SH2B1: variants seen among roughly 807,000 people sequenced by gnomAD.
The protein encoded by SH2B1 is SH2B adaptor protein 1.
Under a neutral mutation model 62.6 loss-of-function variants are expected in SH2B1, and 15 were observed. The ratio of observed to expected loss-of-function variants is 0.24; its 90% CI spans 0.16 to 0.37. The LOEUF (loss-of-function observed/expected upper bound fraction) is 0.37, where lower values mean the gene tolerates loss of function less well. Among genes scored for constraint, SH2B1 ranks in the 10% least tolerant of loss-of-function variants. SH2B1 has a pLI of 1.00. For missense variants in SH2B1, 925 were observed against 1,015.6 expected (o/e 0.91, Z 1.21); for synonymous variants, 443 against 438.0 (o/e 1.01, Z -0.14).
upstream of SH2B1, chr16:28,863,570 T>G (rs1038554582): frequency 1.4e-5 from 15 of 1,083,590 alleles, no homozygotes; most frequent in Non-Finnish European, 1.9e-5. Context: ...AGGCCGGTTC[T>G]CTATGGTCGA....
intron 1 of SH2B1, among the ~76,000 whole-genome samples, chr16:28,852,200 A>G (rs1269978002): frequency 1.0e-5 from 1 of 96,000 alleles, no homozygotes; most frequent in East Asian, 3.4e-4. Flanking sequence ...TTTTATTTAT[A>G]TATTTACATA....
Position 28,864,674 on chromosome 16 carries a change from C to A in SH2B1, c.-1421C>A. ...GCCCCAGTCCTGGGGCTGTCACCTTCCAGTATTGCGTGGCGGGAGGAGCGC... is the reference window on the plus strand; with the variant it reads ...GCCCCAGTCCTGGGGCTGTCACCTTACAGTATTGCGTGGCGGGAGGAGCGC... On this transcript the variant is annotated 5_prime_UTR_variant, in exon 1 of 8. Transcript: ENST00000684370. 1.0e-6 allele frequency: 1 copy of A among 985,086 alleles called. No homozygotes were observed. The highest frequency in any genetic ancestry group is 4.7e-5 in the South Asian group (1 of 21,272). 61.0% of individuals were successfully genotyped at this position (985,086 alleles called of 1,614,324 possible).
chr16:28,872,830 G>A lies in SH2B1; in HGVS notation c.1897+125G>A. ...GAGAAGCTTTGCTTGGGAGAGCAGG[G>A]TAGAGGAGGCTGTTGTGCCTCGGGG... is the stretch of plus-strand genomic sequence containing the variant. On this transcript the variant is annotated intron_variant, in intron 7 of 7. Coordinates refer to ENST00000684370, the MANE Select transcript of SH2B1 (RefSeq NM_001387430.1). The surrounding 1 kb of genome is among the most constrained non-coding windows in gnomAD (Gnocchi z 5.3). 1 of 1,280,892 alleles carries A rather than the reference G, an allele frequency of 7.8e-7. No individual in the cohort carries two copies. Among genetic ancestry groups the A allele is most frequent in the South Asian group, 1.3e-5 (1 of 78,874 alleles). The allele number at this position is 1,280,892 out of a possible 1,614,324, so 79.3% of individuals were successfully genotyped here.
chr16:28,867,302 C>A (rs1962770052), intron 1 of SH2B1, 29 bp from the exon 2 acceptor site: 1 of 1,551,830 alleles, frequency 6.4e-7, no homozygotes, highest in African/African-American at 1.4e-5. Context: ...AAACCAAACA[C>A]CCAGATCTGT....
upstream of SH2B1, among the ~76,000 whole-genome samples, chr16:28,859,572 G>A (rs1445265052): frequency 6.6e-6 from 1 of 152,046 alleles, no homozygotes; most frequent in Non-Finnish European, 1.5e-5. Context: ...GGAGCCAGGC[G>A]TGGGTCATGC....
chr16:28,872,454 G>C lies in SH2B1; in HGVS notation c.1725+53G>C, dbSNP rs1179098120. ...TTCTGTGCATAGTTGGCAGTGGGGT[G>C]GGGGAGCACTGCCGGGGGAGGGGGT... On this transcript the variant is annotated intron_variant, in intron 6 of 7. Transcript: ENST00000684370. The surrounding 1 kb of genome is among the most constrained non-coding windows in gnomAD (Gnocchi z 5.3). The C allele has an allele frequency of 7.0e-6, 11 of 1,570,884 alleles. No individual in the cohort carries two copies. Among genetic ancestry groups the C allele is most frequent in the Non-Finnish European group, 9.5e-6 (11 of 1,153,960 alleles).
At chr16:28,867,060 T>G in intron 1 of SH2B1, 27 bp downstream of exon 1, 1 of 1,598,184 alleles carries the variant, frequency 6.3e-7, no homozygotes, top group South Asian at 1.1e-5. Context: ...GGTGGGTGAC[T>G]GAGAGCAAGT....
At chr16:28,867,681 G>T (rs1962795855) in intron 2 of SH2B1, among the ~76,000 whole-genome samples, 1 of 152,120 alleles carries the variant, frequency 6.6e-6, no homozygotes, top group East Asian at 1.9e-4. Flanking sequence ...GAGAGACAGG[G>T]TCTCCCTCTA....
chr16:28,866,457 C>T lies in SH2B1; in HGVS notation c.363C>T (p.Gly121=), dbSNP rs267604497. ...TGGGTGGGCCCCTGGCTGTGCTGGGCCCTTCTCGATCATCTGAGGACCTGG... is the reference window on the plus strand; with the variant it reads ...TGGGTGGGCCCCTGGCTGTGCTGGGTCCTTCTCGATCATCTGAGGACCTGG... ...CRVGGPLAVL[G]PSRSSEDLAG... The change falls in exon 1 of 8, where the codon GGC becomes GGT. Residue 121 remains glycine (G), a synonymous_variant. Transcript: ENST00000684370. This position sits in a 1 kb window ranked among gnomAD's most constrained non-coding sequence, Gnocchi z 6.3. 2 of 1,613,870 alleles carry T rather than the reference C, an allele frequency of 1.2e-6. No individual in the cohort carries two copies. Among genetic ancestry groups the T allele is most frequent in the African/African-American group, 1.3e-5 (1 of 74,978 alleles).
chr16:28,852,353 T>TAC lies in SH2B1; in HGVS notation c.-301+5527_-301+5528insCA, dbSNP rs1491534341. On this transcript the variant is annotated intron_variant, in intron 1 of 10. Transcript: ENST00000322610. ...TTACATATATATTTACATATATATT[T>TAC]ATATATATATTTATATATATTTACA... 6.1e-4 allele frequency among the ~76,000 whole-genome samples: 44 copies of TAC among 72,648 alleles called. 7 individuals carry two copies. Among genetic ancestry groups the TAC allele is most frequent in the African/African-American group, 7.3e-4 (11 of 14,994 alleles). 47.7% of individuals were successfully genotyped at this position (72,648 alleles called of 152,430 possible).
At chr16:28,863,682 G>A, upstream of SH2B1, 2 of 1,535,560 alleles carry the variant, frequency 1.3e-6, no homozygotes, top group Admixed American at 2.0e-5. Context: ...AACTGGAGAA[G>A]GCACTGAAGC....
chr16:28,849,699 G>A (rs1349001834), intron 1 of SH2B1, among the ~76,000 whole-genome samples: 1 of 152,160 alleles, frequency 6.6e-6, no homozygotes, highest in Non-Finnish European at 1.5e-5. Flanking sequence ...GGTCGAGGCA[G>A]GCGGATCACT....
At chr16:28,849,743 A>G (rs1182207661) in intron 1 of SH2B1, among the ~76,000 whole-genome samples, 1 of 152,108 alleles carries the variant, frequency 6.6e-6, no homozygotes, top group East Asian at 1.9e-4. Context: ...CCTGGCCAAC[A>G]TGGTGAAATC....
intron 1 of SH2B1, among the ~76,000 whole-genome samples, chr16:28,849,664 C>T (rs954500037): frequency 6.6e-6 from 1 of 152,124 alleles, no homozygotes; most frequent in African/African-American, 2.4e-5. Flanking sequence ...CAATGGCTCA[C>T]ACCTATAATC....
In SH2B1 at chr16:28,866,932, G is replaced by A. The variant is rs745793441; in HGVS notation, c.838G>A (p.Gly280Arg). The change falls in exon 1 of 8, where the codon GGG becomes AGG. Residue 280 changes from glycine to arginine, a missense_variant. Transcript: ENST00000684370. The surrounding 1 kb of genome is among the most constrained non-coding windows in gnomAD (Gnocchi z 6.3). ...AGGAGGGGTGGCTGGGCCTCCTTCA[G>A]GGGGAGGAGGGCAGCCTCAGTGGCA... ...RGGGVAGPPS[G>R]GGGQPQWQKC... 5 of 1,610,508 alleles carry A rather than the reference G, an allele frequency of 3.1e-6. No homozygotes were observed. The African/African-American group carries it at 4.0e-5, about 13-fold the overall frequency.
Position 28,864,559 on chromosome 16 carries a change from G to A in SH2B1, c.-1536G>A. The A allele has an allele frequency of 1.0e-6, 1 of 985,726 alleles. No homozygotes were observed. The allele number at this position is 985,726 out of a possible 1,614,324, so 61.1% of individuals were successfully genotyped here. A position where few individuals can be genotyped will look rare whatever the true frequency, so the allele number is the denominator to read the frequency against. ...GTAGGGTCGAGGCCCAGGAGGAAGG[G>A]GAGGGTTCACCGACTTACAGCCTGG... On this transcript the variant is annotated 5_prime_UTR_variant, in exon 1 of 8. Coordinates refer to ENST00000684370, the MANE Select transcript of SH2B1 (RefSeq NM_001387430.1).
In SH2B1 at chr16:28,873,017, C is replaced by T; in HGVS notation, c.1897+312C>T. The T allele has an allele frequency of 7.7e-6, 5 of 650,536 alleles. No homozygotes were observed. Among genetic ancestry groups the T allele is most frequent in the South Asian group, 5.8e-5 (3 of 51,942 alleles). 40.3% of individuals were successfully genotyped at this position (650,536 alleles called of 1,614,324 possible). The stretch of plus-strand genomic sequence containing the variant: ...TGGACCCATCCTGGCCTCGTCTTTG[C>T]CCTCCGTCGCAGCCTGGCCTTGGGC... On this transcript the variant is annotated intron_variant, in intron 7 of 7. Transcript: ENST00000684370. This position sits in a 1 kb window ranked among gnomAD's most constrained non-coding sequence, Gnocchi z 4.2.
Position 28,869,322 on chromosome 16 carries a change from G to A in SH2B1, c.1248G>A (p.Glu416=). The A allele has an allele frequency of 6.2e-7, 1 of 1,614,138 alleles. No homozygotes were observed. Residue 416 remains glutamate, a synonymous_variant, in exon 4 of 8, where the codon GAG becomes GAA. Transcript: ENST00000684370. ...SLELSCLNHS[E]SLPSQDLLLG... ...AGCTGTCCTGCCTGAATCACTCGGA[G>A]AGTCTACCCAGCCAGGACCTGCTGC...
chr16:28,856,303 A>C (rs965188769), intron 1 of SH2B1, among the ~76,000 whole-genome samples: 9 of 151,726 alleles, frequency 5.9e-5, no homozygotes, highest in Admixed American at 1.3e-4. Context: ...CACACACACA[A>C]AAAAGTGCCT....
Sources: gnomAD v4.1 joint callset for allele counts (sites outside exome capture counted in the v4.1 genomes callset) on GRCh38, gnomAD v4.1.1 for gene constraint, Gnocchi (gnomAD v3.1) non-coding constraint, MANE v1.5 for transcripts, NCBI Gene and HGNC (gene_info 2026-07-23, HGNC 2026-07-21) for gene names.